Variants in SPTBN1 observed in about 807,000 individuals in gnomAD.
SPTBN1 encodes spectrin beta, non-erythrocytic 1, also known as spectrin beta chain, non-erythrocytic 1.
In SPTBN1, 32 loss-of-function variants were observed where a neutral mutation model predicts 266.4. The ratio of observed to expected loss-of-function variants is 0.12; its 90% CI spans 0.09 to 0.16. SPTBN1 has a LOEUF of 0.16. Ranked by LOEUF, SPTBN1 falls within the 10% of genes least tolerant of loss-of-function variation. The pLI is 1.00. For synonymous variants in SPTBN1, 1,336 were observed against 1,162.2 expected (o/e 1.15, Z -3.04); for missense variants, 2,296 against 3,067.1 (o/e 0.75, Z 5.94).
intron 32 of SPTBN1, chr2:54,660,857 G>A (rs1024562637): frequency 6.1e-6 from 6 of 985,302 alleles, no homozygotes; most frequent in African/African-American, 5.2e-5. Context: ...CGTGGGACGC[G>A]GCAGGTGACA....
rs1681252048 is a variant in SPTBN1, at chr2:54,664,544, C to A, written c.6512C>A (p.Thr2171Asn). 6.2e-7 allele frequency: 1 copy of A among 1,614,174 alleles called. No individual in the cohort carries two copies. ...GAGTCCAGCCCCATCCCCTCCCCGA[C>A]CTCTGATCGTAAAGCCAAGACTGCC... Reference protein sequence around the residue: ...SKESSPIPSPTSDRKAKTALP... With the variant: ...SKESSPIPSPNSDRKAKTALP... The change falls in exon 33 of 36, where the codon ACC becomes AAC. Residue 2171 changes from threonine (T) to asparagine (N), a missense_variant. Thr to Asn is a moderately conservative substitution (Grantham distance 65). Around this residue, in one of 12 missense-constraint regions of SPTBN1, gnomAD observed 347 missense variants for 368.5 expected, o/e 0.94. Transcript: ENST00000356805. The surrounding 1 kb of genome is among the most constrained non-coding windows in gnomAD (Gnocchi z 5.6).
intron 29 of SPTBN1, 80 bp from the exon 30 acceptor site, chr2:54,657,770 C>T: frequency 1.9e-6 from 3 of 1,547,676 alleles, no homozygotes; most frequent in Non-Finnish European, 2.7e-6. Flanking sequence ...CACCAGAGGG[C>T]AGCAGTGCCA....
chr2:54,529,370 G>A (rs139409056), intron 2 of SPTBN1: 1 of 638,724 alleles, frequency 1.6e-6, no homozygotes, highest in Non-Finnish European at 2.9e-6. Context: ...GAAGAAGGAA[G>A]CTCCTGGCCC....
intron 2 of SPTBN1, among the ~76,000 whole-genome samples, chr2:54,596,267 C>T (rs1573494588): frequency 6.6e-6 from 1 of 152,202 alleles, no homozygotes; most frequent in Non-Finnish European, 1.5e-5. Flanking sequence ...GTCATTGTGC[C>T]TTCCCAGGAT....
At chr2:54,475,934 G>T (rs759549871) in intron 1 of SPTBN1, among the ~76,000 whole-genome samples, 11 of 152,144 alleles carry the variant, frequency 7.2e-5, no homozygotes, top group Non-Finnish European at 1.6e-4. Flanking sequence ...CTTGAAATGA[G>T]ATTCTTTAGA....
chr2:54,523,245 CATAA>C (rs972068504), intron 1 of SPTBN1, among the ~76,000 whole-genome samples: 7 of 152,134 alleles, frequency 4.6e-5, no homozygotes, highest in African/African-American at 9.7e-5. Context: ...TATGAAATCC[CATAA>C]ATAAATTGCT....
chr2:54,650,988 G>A (rs182647420), intron 26 of SPTBN1, among the ~76,000 whole-genome samples: 1 of 152,194 alleles, frequency 6.6e-6, no homozygotes, highest in African/African-American at 2.4e-5. Flanking sequence ...CTGTCACTAT[G>A]ATGGCAAGTT....
At chr2:54,644,251 T>A in intron 19 of SPTBN1, 72 bp from the exon 20 acceptor site, 1 of 1,542,786 alleles carries the variant, frequency 6.5e-7, no homozygotes. Flanking sequence ...ATGTCCTAGG[T>A]TTGTTTTTCA....
intron 3 of SPTBN1, among the ~76,000 whole-genome samples, chr2:54,599,749 C>G (rs1217388954): frequency 6.6e-6 from 1 of 152,142 alleles, no homozygotes; most frequent in East Asian, 1.9e-4. Context: ...TTTGTCATCT[C>G]CTTGGGAAAG....
At position 54,657,842 on chromosome 2, in the gene SPTBN1, C is replaced by CTGTG. The variant is rs1558477879; in HGVS notation, c.6047-7_6047-4dup. ...TCAACGTGTACTAACTCATGGTACCCTGTGCAGTTCTGGAGGTCCATCAGT... is the reference window on the plus strand; with the variant it reads ...TCAACGTGTACTAACTCATGGTACCCTGTGTGTGCAGTTCTGGAGGTCCATCAGT... On this transcript the variant is annotated splice_polypyrimidine_tract_variant and splice_region_variant and intron_variant, in intron 29 of 35. Coordinates refer to ENST00000356805, the MANE Select transcript of SPTBN1 (RefSeq NM_003128.3). The CTGTG allele has an allele frequency of 2.5e-6, 4 of 1,614,144 alleles. No homozygotes were observed. In the South Asian group the frequency reaches 4.4e-5, roughly 18 times the overall value.
intron 2 of SPTBN1, among the ~76,000 whole-genome samples, chr2:54,561,719 A>T (rs1673314729): frequency 6.7e-6 from 1 of 148,776 alleles, no homozygotes; most frequent in African/African-American, 2.4e-5. Context: ...AAATATAGTT[A>T]TATATAAATA....
At chr2:54,585,383 G>A (rs1260990364) in intron 2 of SPTBN1, among the ~76,000 whole-genome samples, 1 of 151,916 alleles carries the variant, frequency 6.6e-6, no homozygotes, top group East Asian at 1.9e-4. Flanking sequence ...AGTCATCTTG[G>A]GGTTGAATCT....
intron 1 of SPTBN1, among the ~76,000 whole-genome samples, chr2:54,503,061 C>T (rs1467467494): frequency 1.3e-5 from 2 of 152,188 alleles, no homozygotes; most frequent in South Asian, 4.1e-4. Context: ...CAACTGGGTA[C>T]ATTCTTAGCC....
rs765671723 is a variant in SPTBN1 at position 54,558,752 on chromosome 2, G to A, written c.148+32186G>A. ...GCTGGAGCGAGATTTCCAGGGCGCA[G>A]TCCTCCGGGGCGTTACGCCGGGCAT... On this transcript the variant is annotated intron_variant, in intron 2 of 35. Coordinates refer to ENST00000356805, the MANE Select transcript of SPTBN1 (RefSeq NM_003128.3). The surrounding 1 kb of genome is among the most constrained non-coding windows in gnomAD (Gnocchi z 4.6). 8 of 1,605,548 alleles carry A rather than the reference G, an allele frequency of 5.0e-6. No homozygotes were observed. Among genetic ancestry groups the A allele is most frequent in the Non-Finnish European group, 4.3e-6 (5 of 1,174,578 alleles).
intron 1 of SPTBN1, among the ~76,000 whole-genome samples, chr2:54,483,320 A>G (rs1006409141): frequency 7.2e-5 from 11 of 152,216 alleles, no homozygotes; most frequent in Admixed American, 5.9e-4. Context: ...AATGGAATCA[A>G]TTATGTTCCA....
intron 19 of SPTBN1, 102 bp from the exon 20 acceptor site, chr2:54,644,221 A>G (rs908277116): frequency 6.0e-5 from 86 of 1,430,838 alleles, no homozygotes; most frequent in Middle Eastern, 5.6e-4. Flanking sequence ...TATTGAGTGA[A>G]TGGTTAAATC....
intron 1 of SPTBN1, among the ~76,000 whole-genome samples, chr2:54,519,504 G>A (rs925925381): frequency 1.3e-5 from 2 of 152,158 alleles, no homozygotes; most frequent in Non-Finnish European, 1.5e-5. Context: ...AGCTGTTCCA[G>A]GTGATAGGTT....
At chr2:54,529,446 G>T in intron 2 of SPTBN1, 1 of 708,920 alleles carries the variant, frequency 1.4e-6, no homozygotes, top group South Asian at 1.4e-5. Context: ...GGTGTCCACG[G>T]CCACAAAAAA....
At chr2:54,620,064 C>G (rs1476926292) in intron 7 of SPTBN1, among the ~76,000 whole-genome samples, 1 of 152,212 alleles carries the variant, frequency 6.6e-6, no homozygotes, top group Non-Finnish European at 1.5e-5. Context: ...TGCCGAACTT[C>G]AAAGACTTGC....
Sources: allele counts gnomAD v4.1 joint callset (sites outside exome capture counted in the v4.1 genomes callset), GRCh38; gene constraint gnomAD v4.1.1; regional missense constraint gnomAD v4.1.1; non-coding constraint Gnocchi (gnomAD v3.1); transcripts MANE v1.5; gene names NCBI Gene and HGNC (gene_info 2026-07-23, HGNC 2026-07-21).